Variants in CEP41 observed in about 807,000 individuals in gnomAD.
CEP41 encodes the protein centrosomal protein of 41 kDa.
A neutral mutation model predicts 44.3 loss-of-function variants in CEP41; 32 were observed. The observed-to-expected ratio is 0.72, with a 90% CI of 0.54 to 0.97. The LOEUF (loss-of-function observed/expected upper bound fraction) is 0.97. Ranked by LOEUF, CEP41 falls within the 50% of genes least tolerant of loss-of-function variation. The pLI is 0.00. For synonymous variants in CEP41, 151 were observed against 168.5 expected (o/e 0.90, Z 0.80); for missense variants, 432 against 455.2 (o/e 0.95, Z 0.46).
chr7:130,438,053 C>T (rs371778812), intron 1 of CEP41, among the ~76,000 whole-genome samples: 12 of 152,142 alleles, frequency 7.9e-5, no homozygotes, highest in East Asian at 5.8e-4. Context: ...CCTCTTCCCC[C>T]ACACTCCTAA....
rs1486519334 is a variant in CEP41 at position 130,398,148 on chromosome 7, GT to G, written c.*742del. Reference sequence around the variant, plus strand: ...TGGGCTTCAAGGGGCACAGGCCGGTGTGGTGGCCAGGGCTTTCCCATGAGAG... The same window carrying G: ...TGGGCTTCAAGGGGCACAGGCCGGTGGGTGGCCAGGGCTTTCCCATGAGAG... On this transcript the variant is annotated 3_prime_UTR_variant, in exon 11 of 11. Coordinates refer to ENST00000223208, the MANE Select transcript of CEP41 (RefSeq NM_018718.3). 3.1e-5 allele frequency: 14 copies of G among 453,736 alleles called. No homozygotes were observed. The highest frequency in any genetic ancestry group is 2.2e-4 in the African/African-American group (11 of 50,028). The allele number at this position is 453,736 out of a possible 1,614,324, so 28.1% of individuals were successfully genotyped here. A position where few individuals can be genotyped will look rare whatever the true frequency, so the allele number is the denominator to read the frequency against.
chr7:130,394,874 C>A lies in CEP41; in HGVS notation c.*4017G>T, dbSNP rs934843838. The A allele has an allele frequency of 1.2e-4, 56 of 453,986 alleles. 4 individuals carry two copies. The highest frequency in any genetic ancestry group is 1.2e-3 in the Admixed American group (51 of 42,550). The allele number at this position is 453,986 out of a possible 1,614,324, so 28.1% of individuals were successfully genotyped here. A position where few individuals can be genotyped will look rare whatever the true frequency, so the allele number is the denominator to read the frequency against. On this transcript the variant is annotated 3_prime_UTR_variant, in exon 11 of 11. Coordinates refer to ENST00000223208, the MANE Select transcript of CEP41 (RefSeq NM_018718.3). ...ACATATTGATATCCTTTAAAAGATG[C>A]AGCCCATCCGTCCACAGCATTTGAG...
At chr7:130,441,249 A>G, upstream of CEP41, 3 of 313,728 alleles carry the variant, frequency 9.6e-6, no homozygotes, top group South Asian at 2.6e-5. Flanking sequence ...GGGCGGGAAG[A>G]GAGGCGCGGG....
chr7:130,395,827 G>T lies in CEP41; in HGVS notation c.*3064C>A, dbSNP rs1554414244. The T allele has an allele frequency of 2.2e-6, 1 of 452,368 alleles. No individual in the cohort carries two copies. Among genetic ancestry groups the T allele is most frequent in the Non-Finnish European group, 4.4e-6 (1 of 226,574 alleles). The allele number at this position is 452,368 out of a possible 1,614,324, so 28.0% of individuals were successfully genotyped here. A position where few individuals can be genotyped will look rare whatever the true frequency, so the allele number is the denominator to read the frequency against. ...ATGTTATTTGGTCTCTTTTCATTCG[G>T]ATTTATACCAAGCCCAATATGATCG... On this transcript the variant is annotated 3_prime_UTR_variant, in exon 11 of 11. Transcript: ENST00000223208.
chr7:130,437,855 CAAATA>C (rs1357448264), intron 1 of CEP41, among the ~76,000 whole-genome samples: 2 of 148,170 alleles, frequency 1.3e-5, no homozygotes, highest in Non-Finnish European at 3.0e-5. Context: ...AACTCACTGG[CAAATA>C]AATGTTAAGG....
At chr7:130,428,245 GA>G (rs1387181765) in intron 1 of CEP41, among the ~76,000 whole-genome samples, 2 of 151,856 alleles carry the variant, frequency 1.3e-5, no homozygotes, top group Non-Finnish European at 2.9e-5. Context: ...CCAACATGGT[GA>G]AACCCCATCT....
rs1348618417 is a variant in CEP41 at position 130,428,000 on chromosome 7, G to A, written c.52C>T (p.Pro18Ser). Residue 18 changes from proline to serine, a missense_variant, in exon 2 of 11, where the codon CCA becomes TCA. By Grantham distance (74) the Pro-to-Ser change is moderately conservative. Transcript: ENST00000223208. Reference protein sequence around the residue: ...GNPEYLMKRIPQNPRYQHIKS... With the variant: ...GNPEYLMKRISQNPRYQHIKS... ...ATATGCTGGTATCTTGGGTTCTGTG[G>A]TATCCTTTTCATCAGATACTAAAAA... 3 of 1,603,600 alleles carry A rather than the reference G, an allele frequency of 1.9e-6. No homozygotes were observed. The highest frequency in any genetic ancestry group is 2.6e-6 in the Non-Finnish European group (3 of 1,170,838).
chr7:130,415,990 C>G (rs1323446525), intron 3 of CEP41, among the ~76,000 whole-genome samples: 1 of 152,220 alleles, frequency 6.6e-6, no homozygotes, highest in Admixed American at 6.5e-5. Context: ...CATAAAGCAG[C>G]TCCTGAGTCC....
intron 5 of CEP41, among the ~76,000 whole-genome samples, chr7:130,409,978 C>T (rs577744641): frequency 3.3e-5 from 5 of 151,666 alleles, no homozygotes; most frequent in Non-Finnish European, 7.4e-5. Context: ...TGAGATTCTA[C>T]CCCACTTCAA....
chr7:130,437,029 A>G (rs1797987737), intron 1 of CEP41, among the ~76,000 whole-genome samples: 1 of 152,160 alleles, frequency 6.6e-6, no homozygotes, highest in South Asian at 2.1e-4. Context: ...ACAGAGTGAG[A>G]GTTTATCTCA....
At position 130,398,765 on chromosome 7, in the gene CEP41, G is replaced by T; in HGVS notation, c.*126C>A. On this transcript the variant is annotated 3_prime_UTR_variant, in exon 11 of 11. Transcript: ENST00000223208. Reference sequence around the variant, plus strand: ...GAACTGGAGACAGGGACAGGGAAGAGGCCTATCCCATACATATGTCATGGT... The same window carrying T: ...GAACTGGAGACAGGGACAGGGAAGATGCCTATCCCATACATATGTCATGGT... 1 of 1,120,478 alleles carries T rather than the reference G, an allele frequency of 8.9e-7. No individual in the cohort carries two copies. Among genetic ancestry groups the T allele is most frequent in the Non-Finnish European group, 1.3e-6 (1 of 740,768 alleles). The allele number at this position is 1,120,478 out of a possible 1,614,324, so 69.4% of individuals were successfully genotyped here. A position where few individuals can be genotyped will look rare whatever the true frequency, so the allele number is the denominator to read the frequency against.
rs1554419921 is a variant in CEP41, at chr7:130,412,229, T to C, written c.157A>G (p.Lys53Glu). 6 of 1,521,390 alleles carry C rather than the reference T, an allele frequency of 3.9e-6. No homozygotes were observed. Among genetic ancestry groups the C allele is most frequent in the Non-Finnish European group, 5.5e-6 (6 of 1,095,802 alleles). The allele number at this position is 1,521,390 out of a possible 1,614,324, so 94.2% of individuals were successfully genotyped here. The stretch of plus-strand genomic sequence containing the variant: ...AGTCTCTTGAAAAGCTCATCTTTTT[T>C]GTATCTATAATCTGAAAAATATGGT... ...LEEIKKNYRY[K>E]KDELFKRLKV... Residue 53 changes from lysine to glutamate, a missense_variant, in exon 4 of 11, where the codon AAA (lysine) becomes GAA (glutamate). Physicochemically the swap from Lys to Glu is moderately conservative, Grantham distance 56 (BLOSUM62 1). Coordinates refer to ENST00000223208, the MANE Select transcript of CEP41 (RefSeq NM_018718.3).
chr7:130,411,028 C>T (rs979802897), intron 5 of CEP41, 94 bp downstream of exon 5: 3 of 1,058,530 alleles, frequency 2.8e-6, no homozygotes, highest in Non-Finnish European at 4.5e-6. Context: ...ATCAAAGTCC[C>T]AGTCCCTGGG....
At chr7:130,437,764 C>CAAA (rs1171735164) in intron 1 of CEP41, among the ~76,000 whole-genome samples, 788 of 32,346 alleles carry the variant, frequency 0.024, 29 homozygotes, top group Non-Finnish European at 0.038. Flanking sequence ...AAGACTGTCT[C>CAAA]AAAAAAAAAA....
At chr7:130,414,367 T>C (rs1797273425) in intron 3 of CEP41, among the ~76,000 whole-genome samples, 2 of 152,206 alleles carry the variant, frequency 1.3e-5, no homozygotes, top group South Asian at 2.1e-4. Flanking sequence ...AGTGTTCCTT[T>C]TGATTGCCAC....
rs1554414406 is a variant in CEP41 at position 130,396,090 on chromosome 7, C to T, written c.*2801G>A. On this transcript the variant is annotated 3_prime_UTR_variant, in exon 11 of 11. Transcript: ENST00000223208. ...TTCCCATTTCCTTGCTTCTTTCTCC[C>T]TTCCTTTCTTTTTTTCTTTTCTCCC... 1 of 453,766 alleles carries T rather than the reference C, an allele frequency of 2.2e-6. No individual in the cohort carries two copies. The highest frequency in any genetic ancestry group is 2.0e-5 in the African/African-American group (1 of 49,908). The allele number at this position is 453,766 out of a possible 1,614,324, so 28.1% of individuals were successfully genotyped here.
At chr7:130,405,698 G>C (rs1369545245) in intron 5 of CEP41, among the ~76,000 whole-genome samples, 3 of 152,146 alleles carry the variant, frequency 2.0e-5, no homozygotes, top group African/African-American at 7.2e-5. Context: ...ATGGGTAAAA[G>C]ATTCAAAGTA....
At chr7:130,418,610 C>G (rs1797408053) in intron 2 of CEP41, among the ~76,000 whole-genome samples, 1 of 152,104 alleles carries the variant, frequency 6.6e-6, no homozygotes, top group Non-Finnish European at 1.5e-5. Context: ...GCAATCTAGT[C>G]AGAAAATGAG....
rs929238589 is a variant in CEP41 at position 130,395,794 on chromosome 7, A to G, written c.*3097T>C. 86 of 453,838 alleles carry G rather than the reference A, an allele frequency of 1.9e-4. No individual in the cohort carries two copies. The highest frequency in any genetic ancestry group is 3.0e-4 in the African/African-American group (15 of 49,972). The allele number at this position is 453,838 out of a possible 1,614,324, so 28.1% of individuals were successfully genotyped here. ...GCACCACAGGAAAAATCCCTGAGCA[A>G]CTAATGAATGTTATTTGGTCTCTTT... On this transcript the variant is annotated 3_prime_UTR_variant, in exon 11 of 11. Coordinates refer to ENST00000223208, the MANE Select transcript of CEP41 (RefSeq NM_018718.3).
Sources: allele counts gnomAD v4.1 joint callset (sites outside exome capture counted in the v4.1 genomes callset), GRCh38; gene constraint gnomAD v4.1.1; transcripts MANE v1.5; gene names NCBI Gene and HGNC (gene_info 2026-07-23, HGNC 2026-07-21).